GALNTL6: variants seen among roughly 807,000 people sequenced by gnomAD.
GALNTL6 encodes polypeptide N-acetylgalactosaminyltransferase-like 6.
Under a neutral mutation model 73.7 loss-of-function variants are expected in GALNTL6, and 46 were observed. That is an observed-to-expected ratio of 0.62 (90% CI 0.49 to 0.80). The LOEUF is 0.80. Among genes scored for constraint, GALNTL6 ranks in the 30% least tolerant of loss-of-function variants. The pLI, the probability that GALNTL6 is intolerant of heterozygous loss-of-function variation, is 0.00. For missense variants in GALNTL6, 604 were observed against 755.0 expected (o/e 0.80, Z 2.34); for synonymous variants, 259 against 263.7 (o/e 0.98, Z 0.17).
chr4:171,858,815 T>A (rs1735756532), intron 2 of GALNTL6, among the ~76,000 whole-genome samples: 1 of 152,102 alleles, frequency 6.6e-6, no homozygotes, highest in Non-Finnish European at 1.5e-5. Flanking sequence ...GTTACATGCA[T>A]ACAACTATAA....
intron 2 of GALNTL6, among the ~76,000 whole-genome samples, chr4:172,038,228 T>C (rs1026609417): frequency 6.6e-6 from 1 of 152,162 alleles, no homozygotes; most frequent in Non-Finnish European, 1.5e-5. Context: ...CTTTCTCTTG[T>C]TTTTTCCTGA....
chr4:172,488,357 A>G (rs913913643), intron 5 of GALNTL6, among the ~76,000 whole-genome samples: 7 of 152,196 alleles, frequency 4.6e-5, no homozygotes, highest in Non-Finnish European at 8.8e-5. Context: ...CTGCTACGTG[A>G]TGGCCAGGGC....
chr4:171,861,751 T>C (rs565323910), intron 2 of GALNTL6, among the ~76,000 whole-genome samples: 21 of 152,274 alleles, frequency 1.4e-4, no homozygotes, highest in East Asian at 9.6e-4. Context: ...AATTTTGAGA[T>C]ATTTATAAAA....
intron 2 of GALNTL6, among the ~76,000 whole-genome samples, chr4:171,824,443 A>G (rs1011898104): frequency 6.6e-6 from 1 of 152,052 alleles, no homozygotes; most frequent in African/African-American, 2.4e-5. Flanking sequence ...AAAGAGTATA[A>G]AAAGAGTGTC....
chr4:172,217,169 T>C (rs1015441526), intron 2 of GALNTL6, among the ~76,000 whole-genome samples: 4 of 152,090 alleles, frequency 2.6e-5, no homozygotes, highest in African/African-American at 7.2e-5. Flanking sequence ...CTCTTCAGGA[T>C]TGGGAGGGCC....
At chr4:172,317,687 CTCTTG>C (rs1453190131) in intron 4 of GALNTL6, among the ~76,000 whole-genome samples, 1 of 152,100 alleles carries the variant, frequency 6.6e-6, no homozygotes, top group Non-Finnish European at 1.5e-5. Flanking sequence ...TCCGTTTTGA[CTCTTG>C]TCTTTGTAAT....
chr4:172,095,353 C>T (rs1409647831), intron 2 of GALNTL6, among the ~76,000 whole-genome samples: 1 of 152,016 alleles, frequency 6.6e-6, no homozygotes, highest in African/African-American at 2.4e-5. Flanking sequence ...TAAGAGAGGT[C>T]CAGCCTGTGA....
In GALNTL6 at chr4:173,040,622, C is replaced by T. The variant is rs1753862081; in HGVS notation, c.*522C>T. 1 of 152,736 alleles carries T rather than the reference C, an allele frequency of 6.5e-6. No individual in the cohort carries two copies. Among genetic ancestry groups the T allele is most frequent in the South Asian group, 2.1e-4 (1 of 4,826 alleles). The allele number at this position is 152,736 out of a possible 1,614,324, so 9.5% of individuals were successfully genotyped here. A position where few individuals can be genotyped will look rare whatever the true frequency, so the allele number is the denominator to read the frequency against. On this transcript the variant is annotated 3_prime_UTR_variant, in exon 13 of 13. Coordinates refer to ENST00000506823, the MANE Select transcript of GALNTL6 (RefSeq NM_001034845.3). The stretch of plus-strand genomic sequence containing the variant: ...AAGTGCTGCAGATGATTTCAGAGTG[C>T]TCACACTATTCTGTTTTTTTTATTT...
intron 3 of GALNTL6, among the ~76,000 whole-genome samples, chr4:172,252,907 AAT>A (rs1737932763): frequency 6.6e-6 from 1 of 151,944 alleles, no homozygotes; most frequent in Non-Finnish European, 1.5e-5. Flanking sequence ...AACACTAAAT[AAT>A]ATAAGGAGGG....
At chr4:171,932,489 A>G (rs1738218776) in intron 2 of GALNTL6, among the ~76,000 whole-genome samples, 1 of 152,180 alleles carries the variant, frequency 6.6e-6, no homozygotes, top group African/African-American at 2.4e-5. Flanking sequence ...CACCTCTCTG[A>G]GACTGAAGCC....
At chr4:172,470,800 A>G (rs768790341) in intron 5 of GALNTL6, among the ~76,000 whole-genome samples, 14 of 152,216 alleles carry the variant, frequency 9.2e-5, no homozygotes, top group Admixed American at 7.9e-4. Context: ...ATCTCTATAC[A>G]TGAGATATAT....
intron 10 of GALNTL6, among the ~76,000 whole-genome samples, chr4:172,952,985 A>G (rs765840794): frequency 2.3e-4 from 35 of 152,236 alleles, no homozygotes; most frequent in Non-Finnish European, 2.5e-4. Flanking sequence ...CTATTGGTAT[A>G]TGCAAGTACA....
intron 3 of GALNTL6, among the ~76,000 whole-genome samples, chr4:172,254,347 AG>A (rs1173343643): frequency 1.3e-5 from 2 of 151,838 alleles, no homozygotes; most frequent in Non-Finnish European, 3.0e-5. Context: ...ATTAATAAAG[AG>A]GGAGGCCATC....
intron 2 of GALNTL6, among the ~76,000 whole-genome samples, chr4:171,850,019 G>T (rs927207096): frequency 6.6e-6 from 1 of 152,208 alleles, no homozygotes; most frequent in Non-Finnish European, 1.5e-5. Flanking sequence ...AGGCTGGAGT[G>T]CAATGGTGCA....
At chr4:172,698,340 A>T (rs1733813350) in intron 5 of GALNTL6, among the ~76,000 whole-genome samples, 1 of 152,082 alleles carries the variant, frequency 6.6e-6, no homozygotes, top group Non-Finnish European at 1.5e-5. Context: ...CAGTCCCTTG[A>T]CACAGGCAAT....
At chr4:172,117,167 G>A (rs961835455) in intron 2 of GALNTL6, among the ~76,000 whole-genome samples, 14 of 152,206 alleles carry the variant, frequency 9.2e-5, no homozygotes, top group East Asian at 3.9e-4. Flanking sequence ...TCACACCAAC[G>A]TAATTCTAAC....
chr4:172,820,519 T>A (rs756329353), intron 7 of GALNTL6, among the ~76,000 whole-genome samples: 13 of 152,186 alleles, frequency 8.5e-5, no homozygotes, highest in Non-Finnish European at 1.8e-4. Flanking sequence ...AAAAATGGAC[T>A]GGTCAAACTG....
At chr4:172,147,865 G>C (rs1212008981) in intron 2 of GALNTL6, among the ~76,000 whole-genome samples, 2 of 152,084 alleles carry the variant, frequency 1.3e-5, no homozygotes, top group Non-Finnish European at 1.5e-5. Context: ...ACCTGAATCA[G>C]CAGCAATTTT....
intron 5 of GALNTL6, among the ~76,000 whole-genome samples, chr4:172,608,161 T>A (rs1334453689): frequency 6.6e-6 from 1 of 152,208 alleles, no homozygotes; most frequent in Non-Finnish European, 1.5e-5. Flanking sequence ...GATTTTCATT[T>A]GTGTTGCAAT....
Sources: allele counts gnomAD v4.1 joint callset (sites outside exome capture counted in the v4.1 genomes callset), GRCh38; gene constraint gnomAD v4.1.1; transcripts MANE v1.5; gene names NCBI Gene and HGNC (gene_info 2026-07-23, HGNC 2026-07-21).